The following ZNF487 variants were observed in gnomAD, a reference collection of about 807,000 sequenced individuals.
The protein encoded by ZNF487 is KRAB domain only 1.
A neutral mutation model predicts 3.0 loss-of-function variants in ZNF487; 4 were observed. The observed-to-expected ratio is 1.35, with a 90% CI of 0.66 to 3.08. The LOEUF (loss-of-function observed/expected upper bound fraction) is 3.08. ZNF487 is among the 30% of genes most tolerant of loss of function. ZNF487 has a pLI of 0.01. For missense variants in ZNF487, 146 were observed against 98.7 expected (o/e 1.48, Z -2.03); for synonymous variants, 55 against 34.6 (o/e 1.59, Z -2.06).
intron 1 of ZNF487, among the ~76,000 whole-genome samples, chr10:43,465,564 A>G (rs1359077216): frequency 6.7e-6 from 1 of 150,148 alleles, no homozygotes; most frequent in Admixed American, 6.6e-5. Flanking sequence ...GGCGGGGCAG[A>G]GGTGCTCCCC....
intron 1 of ZNF487, among the ~76,000 whole-genome samples, chr10:43,450,480 G>A (rs1839967870): frequency 6.6e-6 from 1 of 152,098 alleles, no homozygotes; most frequent in African/African-American, 2.4e-5. Flanking sequence ...AGCCTCCTGA[G>A]TATCTGGGAT....
intron 1 of ZNF487, among the ~76,000 whole-genome samples, chr10:43,473,265 A>G (rs1213189135): frequency 6.8e-6 from 1 of 147,222 alleles, no homozygotes; most frequent in Non-Finnish European, 1.5e-5. Flanking sequence ...TTTTTGTATT[A>G]TTAGTAGATA....
the ZNF487 span, among the ~76,000 whole-genome samples, chr10:43,505,782 A>G: frequency 3.3e-5 from 5 of 152,058 alleles, no homozygotes; most frequent in Admixed American, 6.6e-5. Context: ...AGCTGGGATT[A>G]CAGATGCCTG....
intron 1 of ZNF487, among the ~76,000 whole-genome samples, chr10:43,474,394 C>T (rs959700078): frequency 1.1e-4 from 17 of 148,202 alleles, no homozygotes; most frequent in Admixed American, 2.0e-4. Context: ...GTGGAGGTTG[C>T]GGTGAGCTGA....
At chr10:43,513,655 T>G in the ZNF487 span, among the ~76,000 whole-genome samples, 1 of 152,198 alleles carries the variant, frequency 6.6e-6, no homozygotes, top group Non-Finnish European at 1.5e-5. Context: ...TAATAGCCCT[T>G]ATCCTACCAG....
At chr10:43,437,388 T>A (rs1394969931) in intron 1 of ZNF487, 126 bp downstream of exon 1, 1 of 159,316 alleles carries the variant, frequency 6.3e-6, no homozygotes, top group East Asian at 1.9e-4. Context: ...GGGCGAGTCG[T>A]GGCAGAGAGA....
chr10:43,471,644 G>A (rs1026182771), intron 1 of ZNF487, among the ~76,000 whole-genome samples: 1 of 152,194 alleles, frequency 6.6e-6, no homozygotes, highest in African/African-American at 2.4e-5. Flanking sequence ...CTGGAAAGGG[G>A]ACGGGAAGGG....
At chr10:43,512,500 A>G in the ZNF487 span, among the ~76,000 whole-genome samples, 1 of 152,168 alleles carries the variant, frequency 6.6e-6, no homozygotes, top group East Asian at 1.9e-4. Context: ...TTCAGTTTCC[A>G]CCAGAGCCCA....
chr10:43,505,933 A>G, the ZNF487 span, among the ~76,000 whole-genome samples: 6 of 152,330 alleles, frequency 3.9e-5, no homozygotes, highest in African/African-American at 1.2e-4. Flanking sequence ...GTGAGCCATC[A>G]CACCCAGCCC....
the ZNF487 span, among the ~76,000 whole-genome samples, chr10:43,517,328 T>C: frequency 2.0e-5 from 3 of 152,240 alleles, no homozygotes; most frequent in Non-Finnish European, 4.4e-5. Flanking sequence ...AGAGGTGACA[T>C]ATTCCTCATT....
chr10:43,498,275 T>G, the ZNF487 span, among the ~76,000 whole-genome samples: 59 of 115,828 alleles, frequency 5.1e-4, 1 homozygote, highest in African/African-American at 1.7e-3. Context: ...TATATATATA[T>G]TTTTTTCTTT....
At position 43,479,971 on chromosome 10, in the gene ZNF487, T is replaced by TTTCTTTTCTTTC. The variant is rs1184173278; in HGVS notation, c.131-1456_131-1455insCTTTTCTTTCTT. ...GCACCTGACTCTCTTTCTTTCTTTC[T>TTTCTTTTCTTTC]TTTCTTTCTTTCCTTCTTTCTTTCT... On this transcript the variant is annotated intron_variant, in intron 3 of 3. Coordinates refer to ENST00000437590, the MANE Select transcript of ZNF487 (RefSeq NM_001355444.3). 1.2e-3 allele frequency among the ~76,000 whole-genome samples: 144 copies of TTTCTTTTCTTTC among 125,210 alleles called. 5 individuals are homozygous for TTTCTTTTCTTTC. Among genetic ancestry groups the TTTCTTTTCTTTC allele is most frequent in the East Asian group, 6.9e-3 (29 of 4,196 alleles). The allele number at this position is 125,210 out of a possible 152,430, so 82.1% of individuals were successfully genotyped here. A position where few individuals can be genotyped will look rare whatever the true frequency, so the allele number is the denominator to read the frequency against.
chr10:43,509,458 C>CATATATATATATATATATATATATATAT, the ZNF487 span, among the ~76,000 whole-genome samples: 5 of 135,290 alleles, frequency 3.7e-5, no homozygotes, highest in African/African-American at 1.1e-4. Flanking sequence ...ACTAATGGAA[C>CATATATATATATATATATATATATATAT]ATATATATAT....
chr10:43,518,280 C>T, the ZNF487 span, among the ~76,000 whole-genome samples: 1 of 152,170 alleles, frequency 6.6e-6, no homozygotes, highest in African/African-American at 2.4e-5. Flanking sequence ...AAAGTTCTAC[C>T]TCCCATCTAG....
chr10:43,515,832 C>T, the ZNF487 span, among the ~76,000 whole-genome samples: 3 of 152,034 alleles, frequency 2.0e-5, no homozygotes, highest in South Asian at 2.1e-4. Flanking sequence ...TGGAGTGCAG[C>T]GGTGCAATCT....
chr10:43,449,209 G>GAAT (rs1006204549), intron 1 of ZNF487, among the ~76,000 whole-genome samples: 16 of 151,980 alleles, frequency 1.1e-4, no homozygotes, highest in African/African-American at 3.6e-4. Context: ...TGAGGCAGGA[G>GAAT]AATCGCTTGA....
the ZNF487 span, among the ~76,000 whole-genome samples, chr10:43,513,832 A>G: frequency 6.6e-5 from 10 of 152,118 alleles, no homozygotes; most frequent in Non-Finnish European, 1.5e-4. Context: ...ATAAGCCCCT[A>G]CTTTAACTGT....
chr10:43,488,378 G>GA, the ZNF487 span, among the ~76,000 whole-genome samples: 1 of 152,038 alleles, frequency 6.6e-6, no homozygotes, highest in Non-Finnish European at 1.5e-5. Context: ...TTTGCTCAAA[G>GA]AAACTGGAAA....
the ZNF487 span, among the ~76,000 whole-genome samples, chr10:43,501,157 A>G: frequency 6.6e-6 from 1 of 152,214 alleles, no homozygotes; most frequent in South Asian, 2.1e-4. Flanking sequence ...ACACAATGGT[A>G]AGTATTTATA....
Sources: gnomAD v4.1 joint callset for allele counts (sites outside exome capture counted in the v4.1 genomes callset) on GRCh38, gnomAD v4.1.1 for gene constraint, MANE v1.5 for transcripts, NCBI Gene and HGNC (gene_info 2026-07-23, HGNC 2026-07-21) for gene names.